Variants in CLEC16A observed in about 807,000 individuals in gnomAD.
CLEC16A encodes C-type lectin domain containing 16A, also known as protein CLEC16A.
A neutral mutation model predicts 109.5 loss-of-function variants in CLEC16A; 51 were observed. That is an observed-to-expected ratio of 0.47 (90% CI 0.37 to 0.59). CLEC16A has a LOEUF of 0.59. Ranked by LOEUF, CLEC16A falls within the 20% of genes least tolerant of loss-of-function variation. The probability of loss-of-function intolerance (pLI) is 0.00; values close to 1 mark genes in which losing one functional copy is unlikely to be tolerated. For synonymous variants in CLEC16A, 673 were observed against 564.2 expected, an observed-to-expected ratio of 1.19 and a Z score of -2.73; for missense variants, 1,339 against 1,394.0, an observed-to-expected ratio of 0.96 and a Z score of 0.63.
At chr16:11,124,918 C>G (rs899599622) in intron 21 of CLEC16A, among the ~76,000 whole-genome samples, 1 of 152,142 alleles carries the variant, frequency 6.6e-6, no homozygotes, top group Non-Finnish European at 1.5e-5. Context: ...AAGACCCTGT[C>G]TCTACAAAGA....
At chr16:11,149,160 C>T (rs1024884749) in intron 22 of CLEC16A, among the ~76,000 whole-genome samples, 1 of 152,076 alleles carries the variant, frequency 6.6e-6, no homozygotes, top group Non-Finnish European at 1.5e-5. Flanking sequence ...GTGGGGCTGT[C>T]GGAGCACAAG....
rs551086726 is a variant in CLEC16A, at chr16:11,173,114, C to G, written c.2807-5221C>G. 3.3e-5 allele frequency among the ~76,000 whole-genome samples: 5 copies of G among 152,278 alleles called. No homozygotes were observed. In the South Asian group the frequency reaches 6.2e-4, roughly 19 times the overall value. ...TTGGGCCAACTGAGAGTCAGATGAC[C>G]TGAAACCCACCCACATGCCACTCAA... is the stretch of plus-strand genomic sequence containing the variant. On this transcript the variant is annotated intron_variant, in intron 23 of 23. Transcript: ENST00000409790.
chr16:11,101,463 G>A (rs2050909884), intron 19 of CLEC16A, among the ~76,000 whole-genome samples: 1 of 152,130 alleles, frequency 6.6e-6, no homozygotes, highest in African/African-American at 2.4e-5. Context: ...CTTGACTGTC[G>A]CACTCTGCGT....
intron 20 of CLEC16A, among the ~76,000 whole-genome samples, chr16:11,123,199 G>A (rs116103443): frequency 1.4e-3 from 215 of 152,268 alleles, no homozygotes; most frequent in African/African-American, 5.0e-3. Flanking sequence ...ACCGTGCCCA[G>A]CCCCTGTCCC....
chr16:11,137,023 T>C (rs1017822385), intron 22 of CLEC16A, among the ~76,000 whole-genome samples: 1 of 152,138 alleles, frequency 6.6e-6, no homozygotes, highest in African/African-American at 2.4e-5. Flanking sequence ...GGAAATCAGG[T>C]GAGCTTTGGG....
chr16:11,179,718 C>A lies in CLEC16A; in HGVS notation c.*1028C>A. On this transcript the variant is annotated 3_prime_UTR_variant, in exon 24 of 24. Coordinates refer to ENST00000409790, the MANE Select transcript of CLEC16A (RefSeq NM_015226.3). ...CACCCTCTACGTCACCTGCCCTCGA[C>A]TGTGTGTGCCCACATGTGCCGAGAG... 1 of 152,482 alleles carries A rather than the reference C, an allele frequency of 6.6e-6. No homozygotes were observed. 9.4% of individuals were successfully genotyped at this position (152,482 alleles called of 1,614,324 possible). A position where few individuals can be genotyped will look rare whatever the true frequency, so the allele number is the denominator to read the frequency against.
intron 23 of CLEC16A, among the ~76,000 whole-genome samples, 192 bp downstream of exon 23, chr16:11,166,744 C>G (rs561417683): frequency 3.9e-5 from 6 of 152,316 alleles, no homozygotes; most frequent in Middle Eastern, 3.4e-3. Context: ...GGTCAGCTCC[C>G]AGATGGGGAA....
In CLEC16A at chr16:11,146,551, A is replaced by G. The variant is rs1396705296; in HGVS notation, c.2642-19837A>G. The stretch of plus-strand genomic sequence containing the variant: ...GTGTAGAAGGATGGATGGGTATAGA[A>G]GGATGGAGGTGGAGGGAGAGGGGAT... On this transcript the variant is annotated intron_variant, in intron 22 of 23. Coordinates refer to ENST00000409790, the MANE Select transcript of CLEC16A (RefSeq NM_015226.3). 4.1e-5 allele frequency among the ~76,000 whole-genome samples: 6 copies of G among 147,582 alleles called. 1 individual carries two copies. In the East Asian group the frequency reaches 1.2e-3, roughly 30 times the overall value.
At chr16:10,984,337 T>A (rs2146794018) in intron 10 of CLEC16A, among the ~76,000 whole-genome samples, 1 of 152,302 alleles carries the variant, frequency 6.6e-6, no homozygotes, top group Non-Finnish European at 1.5e-5. Context: ...GGTGGTGGCA[T>A]TAGTGAATTG....
Position 11,003,314 on chromosome 16 carries a change from C to T in CLEC16A, c.1303+9C>T, listed in dbSNP as rs750775774. 1.9e-6 allele frequency: 3 copies of T among 1,607,212 alleles called. No homozygotes were observed. In the South Asian group the frequency reaches 3.3e-5, roughly 18 times the overall value. The stretch of plus-strand genomic sequence containing the variant: ...GAGTGGGGAGAGTGAAGGTGAGTGT[C>T]CCCATGAACGCCGCCCTGTGCCTGC... On this transcript the variant is annotated intron_variant, in intron 11 of 23. Transcript: ENST00000409790.
intron 11 of CLEC16A, among the ~76,000 whole-genome samples, chr16:11,006,837 C>G (rs1467106198): frequency 6.6e-6 from 1 of 152,112 alleles, no homozygotes; most frequent in East Asian, 1.9e-4. Context: ...CTTCCCCAGT[C>G]TACAGAGGAA....
At chr16:11,053,198 T>C (rs2048039796) in intron 18 of CLEC16A, among the ~76,000 whole-genome samples, 1 of 152,152 alleles carries the variant, frequency 6.6e-6, no homozygotes, top group Admixed American at 6.5e-5. Flanking sequence ...GCCCACACTC[T>C]ACCTTCTTTT....
At chr16:11,055,657 G>T (rs952054541) in intron 18 of CLEC16A, among the ~76,000 whole-genome samples, 1 of 130,180 alleles carries the variant, frequency 7.7e-6, no homozygotes, top group African/African-American at 2.9e-5. Flanking sequence ...GCATGATCTC[G>T]GCTCACTGCA....
chr16:11,174,349 T>TC lies in CLEC16A; in HGVS notation c.2807-3984dup. 1 of 405,504 alleles carries TC rather than the reference T, an allele frequency of 2.5e-6. No homozygotes were observed. Among genetic ancestry groups the TC allele is most frequent in the South Asian group, 1.7e-5 (1 of 58,648 alleles). The allele number at this position is 405,504 out of a possible 1,614,324, so 25.1% of individuals were successfully genotyped here. ...CGCTGCATTTCCACAGTCGGCAGGGTCCGCGCTGGCAAGGTGGGCCAAGCT... is the reference window on the plus strand; with the variant it reads ...CGCTGCATTTCCACAGTCGGCAGGGTCCCGCGCTGGCAAGGTGGGCCAAGCT... On this transcript the variant is annotated intron_variant, in intron 23 of 23. Coordinates refer to ENST00000409790, the MANE Select transcript of CLEC16A (RefSeq NM_015226.3). This position sits in a 1 kb window ranked among gnomAD's most constrained non-coding sequence, Gnocchi z 4.7.
At chr16:11,083,054 G>A (rs1342126950) in intron 19 of CLEC16A, among the ~76,000 whole-genome samples, 2 of 152,234 alleles carry the variant, frequency 1.3e-5, no homozygotes, top group African/African-American at 4.8e-5. Flanking sequence ...CAGACACACA[G>A]CCAGCCAAGG....
At chr16:11,088,753 T>C (rs952639864) in intron 19 of CLEC16A, among the ~76,000 whole-genome samples, 39 of 152,332 alleles carry the variant, frequency 2.6e-4, no homozygotes, top group East Asian at 1.5e-3. Context: ...ATTGGCTTAC[T>C]TATTGCCATC....
Position 10,993,837 on chromosome 16 carries a change from C to T in CLEC16A, c.1072-9237C>T, listed in dbSNP as rs1043862046. Among the ~76,000 whole-genome samples, 5 of 152,260 alleles carry T rather than the reference C, an allele frequency of 3.3e-5. No individual in the cohort carries two copies. The East Asian group carries it at 9.6e-4, about 29-fold the overall frequency. ...CAATTAATTCATCCCACAAGCATTC[C>T]CTCTTGATTGAATGCCAGAGACAGT... On this transcript the variant is annotated intron_variant, in intron 10 of 23. Transcript: ENST00000409790.
At chr16:11,064,219 C>CT (rs368284235) in intron 19 of CLEC16A, among the ~76,000 whole-genome samples, 49 of 152,346 alleles carry the variant, frequency 3.2e-4, no homozygotes, top group African/African-American at 1.1e-3. Flanking sequence ...ATACCTCTCT[C>CT]TAACAGAGAA....
intron 19 of CLEC16A, among the ~76,000 whole-genome samples, chr16:11,119,314 T>C (rs2052230977): frequency 6.6e-6 from 1 of 152,176 alleles, no homozygotes; most frequent in Non-Finnish European, 1.5e-5. Context: ...ATATGTCTAT[T>C]TTTATACCAG....
Sources: gnomAD v4.1 joint callset for allele counts (sites outside exome capture counted in the v4.1 genomes callset) on GRCh38, gnomAD v4.1.1 for gene constraint, Gnocchi (gnomAD v3.1) non-coding constraint, MANE v1.5 for transcripts, NCBI Gene and HGNC (gene_info 2026-07-23, HGNC 2026-07-21) for gene names.